Variants in ELAC2 observed in about 807,000 individuals in gnomAD.
The protein encoded by ELAC2 is zinc phosphodiesterase ELAC protein 2.
In ELAC2, 92 loss-of-function variants were observed where a neutral mutation model predicts 105.2. That is an observed-to-expected ratio of 0.87 (90% CI 0.74 to 1.04). ELAC2 has a LOEUF of 1.04. Ranked by LOEUF, ELAC2 falls within the 50% of genes least tolerant of loss-of-function variation. The probability of loss-of-function intolerance (pLI) is 0.00; values close to 1 mark genes in which losing one functional copy is unlikely to be tolerated. For missense variants in ELAC2, 1,099 were observed against 1,071.7 expected, an observed-to-expected ratio of 1.03 and a Z score of -0.36; for synonymous variants, 468 against 409.1, an observed-to-expected ratio of 1.14 and a Z score of -1.74.
chr17:13,000,334 C>A, intron 14 of ELAC2, 60 bp from the exon 15 acceptor site: 2 of 1,453,782 alleles, frequency 1.4e-6, no homozygotes, highest in Non-Finnish European at 1.9e-6. Flanking sequence ...TCAGCAGACC[C>A]CATTGGGGAT....
intron 11 of ELAC2, among the ~76,000 whole-genome samples, chr17:13,004,508 G>A (rs996985276): frequency 2.6e-5 from 4 of 152,176 alleles, no homozygotes; most frequent in Non-Finnish European, 2.9e-5. Flanking sequence ...GGTTAACTTC[G>A]ATAGAGGACA....
In ELAC2 at chr17:12,998,485, T is replaced by C; in HGVS notation, c.1447A>G (p.Ile483Val). Residue 483 changes from isoleucine to valine, a missense_variant, in exon 16 of 24, where the codon ATC (isoleucine) becomes GTC (valine). By Grantham distance (29) the Ile-to-Val change is conservative (BLOSUM62 3). Coordinates refer to ENST00000338034, the MANE Select transcript of ELAC2 (RefSeq NM_018127.7). ...PAEKRSQYPE[I>V]IFLGTGSAIP... is the part of the protein sequence containing the mutation. ...GCAGACCCTGTTCCAAGGAAGATGATTTCTGGGTACTGACTTCTTTTCTCT... is the reference window on the plus strand; with the variant it reads ...GCAGACCCTGTTCCAAGGAAGATGACTTCTGGGTACTGACTTCTTTTCTCT... 1 of 1,614,208 alleles carries C rather than the reference T, an allele frequency of 6.2e-7. No homozygotes were observed.
chr17:13,011,771 T>A lies in ELAC2; in HGVS notation c.571A>T (p.Arg191Trp), dbSNP rs757823191. The A allele has an allele frequency of 6.2e-7, 1 of 1,614,150 alleles. No individual in the cohort carries two copies. Among genetic ancestry groups the A allele is most frequent in the Admixed American group, 1.7e-5 (1 of 60,010 alleles). ...YQIPIHSEQR[R>W]GKHQPWQSPE... The stretch of plus-strand genomic sequence containing the variant: ...CTCTGCCATGGTTGGTGCTTTCCCC[T>A]CCTCTGTTCACCTGGTCAGTACAGA... Residue 191 changes from arginine (R) to tryptophan (W), a missense_variant, in exon 7 of 24, where the codon AGG (arginine) becomes TGG (tryptophan). Coordinates refer to ENST00000338034, the MANE Select transcript of ELAC2 (RefSeq NM_018127.7).
At chr17:13,014,820 C>T (rs370106380) in intron 4 of ELAC2, among the ~76,000 whole-genome samples, 119 of 152,292 alleles carry the variant, frequency 7.8e-4, no homozygotes, top group African/African-American at 2.7e-3. Context: ...TCCAACTTGT[C>T]TAGAGAAGAA....
At chr17:12,997,034 G>C (rs1398650687) in intron 16 of ELAC2, among the ~76,000 whole-genome samples, 1 of 151,996 alleles carries the variant, frequency 6.6e-6, no homozygotes, top group Non-Finnish European at 1.5e-5. Context: ...CACAGCCTCT[G>C]TTGAAAATAC....
At chr17:13,015,685 C>A (rs1319287888) in intron 4 of ELAC2, 83 bp downstream of exon 4, 2 of 1,212,356 alleles carry the variant, frequency 1.6e-6, no homozygotes, top group Non-Finnish European at 2.5e-6. Context: ...GGGCAGAAGA[C>A]TGATTTGCAA....
In ELAC2 at chr17:13,005,045, T is replaced by C. The variant is rs1164270049; in HGVS notation, c.927A>G (p.Val309=). ...PPDPGAAFVV[V]ECPDESFIQP... ...GAATGAAGCTTTCATCTGGACATTC[T>C]ACCACCACAAAAGCAGCACCAGGAT... The change falls in exon 11 of 24, where the codon GTA becomes GTG. Residue 309 remains valine, a synonymous_variant. Coordinates refer to ENST00000338034, the MANE Select transcript of ELAC2 (RefSeq NM_018127.7). The C allele has an allele frequency of 3.7e-6, 6 of 1,614,054 alleles. No homozygotes were observed. Among genetic ancestry groups the C allele is most frequent in the Non-Finnish European group, 5.1e-6 (6 of 1,180,024 alleles).
In ELAC2 at chr17:12,991,822, A is replaced by C. The variant is rs1180924357; in HGVS notation, c.*996T>G. On this transcript the variant is annotated 3_prime_UTR_variant, in exon 24 of 24. Transcript: ENST00000338034. Reference sequence around the variant, plus strand: ...CTTTTTACATTCTCCTGGGTAGGGAATATACACAATAAATACTAGATTCAA... The same window carrying C: ...CTTTTTACATTCTCCTGGGTAGGGACTATACACAATAAATACTAGATTCAA... Among the ~76,000 whole-genome samples, 5 of 151,994 alleles carry C rather than the reference A, an allele frequency of 3.3e-5. No homozygotes were observed. Among genetic ancestry groups the C allele is most frequent in the Admixed American group, 1.3e-4 (2 of 15,232 alleles).
rs565493029 is a variant in ELAC2 at position 12,998,514 on chromosome 17, A to G, written c.1424-6T>C. 4 of 1,613,118 alleles carry G rather than the reference A, an allele frequency of 2.5e-6. No individual in the cohort carries two copies. In the East Asian group the frequency reaches 8.9e-5, roughly 36 times the overall value. On this transcript the variant is annotated splice_region_variant and splice_polypyrimidine_tract_variant and intron_variant, in intron 15 of 23. Coordinates refer to ENST00000338034, the MANE Select transcript of ELAC2 (RefSeq NM_018127.7). Reference sequence around the variant, plus strand: ...TGGGTACTGACTTCTTTTCTCTGTGAAAAAATCCATGTGAAACAATCCATT... The same window carrying G: ...TGGGTACTGACTTCTTTTCTCTGTGGAAAAATCCATGTGAAACAATCCATT...
intron 15 of ELAC2, among the ~76,000 whole-genome samples, chr17:12,999,900 A>C (rs2040683482): frequency 6.6e-6 from 1 of 152,062 alleles, no homozygotes; most frequent in Non-Finnish European, 1.5e-5. Flanking sequence ...CTCGCGATCC[A>C]CCTGCCTCGG....
Position 12,994,837 on chromosome 17 carries a change from C to T in ELAC2, c.1956G>A (p.Ala652=), listed in dbSNP as rs776752737. 21 of 1,613,926 alleles carry T rather than the reference C, an allele frequency of 1.3e-5. No homozygotes were observed. The highest frequency in any genetic ancestry group is 6.7e-5 in the East Asian group (3 of 44,886). The change falls in exon 21 of 24, where the codon GCG becomes GCA. Residue 652 remains alanine, a synonymous_variant. Coordinates refer to ENST00000338034, the MANE Select transcript of ELAC2 (RefSeq NM_018127.7). ...CTTTCCAGCCAGAGGTGTGCACCAG[C>T]GCACAGCCAAACGCATGCTTGCAGT... The part of the protein sequence containing the change: ...VRHCKHAFGC[A]LVHTSGWKVV...
chr17:13,017,768 C>G lies in ELAC2; in HGVS notation c.180G>C (p.Leu60=), dbSNP rs370459638. ...CCCGGCTACCCGCTGCCACCACCTG[C>G]AGGTACACGGTGTTTGGGCCGCCGG... is the stretch of plus-strand genomic sequence containing the variant. ...GCSGGPNTVY[L]QVVAAGSRDS... is the part of the protein sequence containing the mutation. The change falls in exon 1 of 24, where the codon CTG becomes CTC. Residue 60 remains leucine (L), a synonymous_variant. Coordinates refer to ENST00000338034, the MANE Select transcript of ELAC2 (RefSeq NM_018127.7). The G allele has an allele frequency of 6.2e-7, 1 of 1,611,596 alleles. No individual in the cohort carries two copies. Among genetic ancestry groups the G allele is most frequent in the African/African-American group, 1.3e-5 (1 of 75,058 alleles).
At position 13,014,447 on chromosome 17, in the gene ELAC2, A is replaced by G. The variant is rs1391348317; in HGVS notation, c.482T>C (p.Ile161Thr). 7 of 1,613,350 alleles carry G rather than the reference A, an allele frequency of 4.3e-6. No individual in the cohort carries two copies. The highest frequency in any genetic ancestry group is 1.3e-5 in the African/African-American group (1 of 74,936). Reference protein sequence around the residue: ...IKIFSGPLKGIELAVRPHSAP... With the variant: ...IKIFSGPLKGTELAVRPHSAP... The stretch of plus-strand genomic sequence containing the variant: ...CACAGACAAAGACGTACCCAGTTCT[A>G]TTCCTTTCAATGGACCAGAAAATAT... The change falls in exon 5 of 24, where the codon ATA becomes ACA. Residue 161 changes from isoleucine (I) to threonine (T), a missense_variant. Physicochemically the swap from Ile to Thr is moderately conservative, Grantham distance 89. Coordinates refer to ENST00000338034, the MANE Select transcript of ELAC2 (RefSeq NM_018127.7).
rs1319371426 is a variant in ELAC2 at position 13,017,936 on chromosome 17, A to G, written c.12T>C (p.Leu4=). 5.2e-6 allele frequency: 8 copies of G among 1,538,274 alleles called. No individual in the cohort carries two copies. The highest frequency in any genetic ancestry group is 7.0e-6 in the Non-Finnish European group (8 of 1,147,000). MWA[L]CSLLRSAAGR... ...CGGCCGCGGACCGCAGCAGCGAGCA[A>G]AGCGCCCACATGCGCCCGTCTCCAC... The change falls in exon 1 of 24, where the codon CTT becomes CTC. Residue 4 remains leucine (L), a synonymous_variant. Coordinates refer to ENST00000338034, the MANE Select transcript of ELAC2 (RefSeq NM_018127.7).
At chr17:13,007,125 A>T (rs895969556) in intron 8 of ELAC2, among the ~76,000 whole-genome samples, 1 of 76,024 alleles carries the variant, frequency 1.3e-5, no homozygotes, top group Non-Finnish European at 3.1e-5. Context: ...AAAGAAAAAG[A>T]AAAAAAAAAA....
chr17:13,005,160 G>A (rs757404915), intron 10 of ELAC2, 59 bp from the exon 11 acceptor site: 2 of 1,190,554 alleles, frequency 1.7e-6, no homozygotes, highest in Non-Finnish European at 1.3e-6. Context: ...AAACTGAACT[G>A]CCTTCAAGGC....
chr17:13,005,142 C>CA (rs1429305755), intron 10 of ELAC2, 41 bp from the exon 11 acceptor site: 2 of 1,430,766 alleles, frequency 1.4e-6, no homozygotes, highest in Non-Finnish European at 2.0e-6. Context: ...GGTCACAGCT[C>CA]AGCCACCAAA....
intron 10 of ELAC2, 88 bp downstream of exon 10, chr17:13,005,665 G>A (rs995607287): frequency 1.5e-6 from 2 of 1,336,110 alleles, no homozygotes; most frequent in Non-Finnish European, 2.2e-6. Flanking sequence ...TTCAAAAGTG[G>A]TGTCTGTAGG....
intron 15 of ELAC2, among the ~76,000 whole-genome samples, chr17:12,999,390 G>T (rs1002688029): frequency 6.6e-6 from 1 of 152,262 alleles, no homozygotes; most frequent in African/African-American, 2.4e-5. Context: ...CTCCAGTGAA[G>T]ATGGTAAGAG....
Sources: gnomAD v4.1 joint callset for allele counts (sites outside exome capture counted in the v4.1 genomes callset) on GRCh38, gnomAD v4.1.1 for gene constraint, MANE v1.5 for transcripts, NCBI Gene and HGNC (gene_info 2026-07-23, HGNC 2026-07-21) for gene names.